The following STYK1 variants were observed in gnomAD, a reference collection of about 807,000 sequenced individuals.
STYK1 encodes STY kinase 1.
In STYK1, 46 loss-of-function variants were observed where a neutral mutation model predicts 48.1. That is an observed-to-expected ratio of 0.96 (90% CI 0.75 to 1.22). STYK1 has a LOEUF of 1.22. Among genes scored for constraint, STYK1 ranks in the 50% most tolerant of loss-of-function variants. STYK1 has a pLI of 0.00. For missense variants in STYK1, 527 were observed against 521.1 expected, an observed-to-expected ratio of 1.01 and a Z score of -0.11; for synonymous variants, 188 against 189.0, an observed-to-expected ratio of 0.99 and a Z score of 0.04.
chr12:10,631,301 G>A lies in STYK1; in HGVS notation c.195C>T (p.Ala65=). ...TTAGGTCCCTAGGTGGAGGAACAGG[G>A]GCAATGCCTAGAACAGAGAGATGAT... ...QQQRSGPQGI[A]PVPPPRDLSW... Residue 65 remains alanine, a synonymous_variant, in exon 5 of 11, where the codon GCC becomes GCT. Transcript: ENST00000075503. The A allele has an allele frequency of 1.2e-6, 2 of 1,614,070 alleles. No homozygotes were observed. Among genetic ancestry groups the A allele is most frequent in the South Asian group, 1.1e-5 (1 of 91,080 alleles).
At chr12:10,626,024 T>C (rs538799038) in intron 7 of STYK1, among the ~76,000 whole-genome samples, 4 of 152,050 alleles carry the variant, frequency 2.6e-5, no homozygotes, top group Non-Finnish European at 2.9e-5. Flanking sequence ...GATCTAGATA[T>C]TGAGGGCTGT....
intron 1 of STYK1, among the ~76,000 whole-genome samples, chr12:10,660,637 A>AGGGGAGG (rs1947766789): frequency 1.2e-4 from 4 of 32,448 alleles, no homozygotes; most frequent in South Asian, 1.6e-3. Context: ...TTTCTGATAA[A>AGGGGAGG]ACAGAATGTG....
rs531819965 is a variant in STYK1 at position 10,637,336 on chromosome 12, ATT to A, written c.-194-142_-194-141del. On this transcript the variant is annotated intron_variant, in intron 1 of 10. Transcript: ENST00000075503. ...ATGGAGTGTACCAGATGAGTCTAGG[ATT>A]TTTTTTTTTTTTTTTTTGAGACGGG... 5.3e-3 allele frequency: 696 copies of A among 130,576 alleles called. 2 individuals carry two copies. Among genetic ancestry groups the A allele is most frequent in the Non-Finnish European group, 7.6e-3 (466 of 60,932 alleles). 8.1% of individuals were successfully genotyped at this position (130,576 alleles called of 1,614,324 possible). A position where few individuals can be genotyped will look rare whatever the true frequency, so the allele number is the denominator to read the frequency against.
chr12:10,627,269 C>G (rs1283928978), intron 7 of STYK1, among the ~76,000 whole-genome samples: 1 of 152,272 alleles, frequency 6.6e-6, no homozygotes, highest in East Asian at 1.9e-4. Context: ...CATATCTTCT[C>G]CCTACTTGCT....
chr12:10,641,519 G>A (rs949191434), intron 1 of STYK1, among the ~76,000 whole-genome samples: 18 of 152,220 alleles, frequency 1.2e-4, no homozygotes, highest in African/African-American at 4.1e-4. Context: ...GAGGAGGACT[G>A]AAGGAAGACA....
At chr12:10,622,955 T>C (rs1591673224) in intron 8 of STYK1, among the ~76,000 whole-genome samples, 1 of 152,242 alleles carries the variant, frequency 6.6e-6, no homozygotes, top group East Asian at 1.9e-4. Context: ...TGTGTGTGCA[T>C]GTAACCACAC....
chr12:10,648,712 C>T (rs1178801711), intron 1 of STYK1, among the ~76,000 whole-genome samples: 1 of 151,914 alleles, frequency 6.6e-6, no homozygotes, highest in East Asian at 1.9e-4. Context: ...TCACTGCAGA[C>T]TTGATCTCCC....
Position 10,620,092 on chromosome 12 carries a change from A to C in STYK1, c.*52T>G. On this transcript the variant is annotated 3_prime_UTR_variant, in exon 11 of 11. Transcript: ENST00000075503. ...AAGACCATTCTCTGTTCTTAGAGGAATTGATTCCAAGAACATATACTCATG... is the reference window on the plus strand; with the variant it reads ...AAGACCATTCTCTGTTCTTAGAGGACTTGATTCCAAGAACATATACTCATG... 2 of 1,595,146 alleles carry C rather than the reference A, an allele frequency of 1.3e-6. No homozygotes were observed. Among genetic ancestry groups the C allele is most frequent in the Non-Finnish European group, 1.7e-6 (2 of 1,163,400 alleles).
chr12:10,642,983 A>G (rs1326623329), intron 1 of STYK1, among the ~76,000 whole-genome samples: 1 of 152,152 alleles, frequency 6.6e-6, no homozygotes, highest in Non-Finnish European at 1.5e-5. Context: ...ATTTCCACCC[A>G]GATCCTGAAC....
At chr12:10,649,981 G>GCA (rs1947643079) in intron 1 of STYK1, among the ~76,000 whole-genome samples, 2 of 151,880 alleles carry the variant, frequency 1.3e-5, no homozygotes, top group African/African-American at 4.8e-5. Flanking sequence ...AGGCGTGGTG[G>GCA]CGGGCCCCTG....
Position 10,634,052 on chromosome 12 carries a change from C to T in STYK1, c.125G>A (p.Gly42Glu). 2.5e-6 allele frequency: 4 copies of T among 1,614,014 alleles called. No homozygotes were observed. Among genetic ancestry groups the T allele is most frequent in the Non-Finnish European group, 3.4e-6 (4 of 1,180,010 alleles). The change falls in exon 4 of 11, where the codon GGG (glycine) becomes GAG (glutamate). Residue 42 changes from glycine to glutamate, a missense_variant. Gly to Glu is a moderately conservative substitution (Grantham distance 98, BLOSUM62 -2). Coordinates refer to ENST00000075503, the MANE Select transcript of STYK1 (RefSeq NM_018423.3). Reference protein sequence around the residue: ...LLVTIFLILLGVILWLFIREQ... With the variant: ...LLVTIFLILLEVILWLFIREQ... ...TCTGATAAAAAGCCACAGGATGACC[C>T]CAAGAAGGATGAGGAAGATAGTAAC...
At chr12:10,645,549 C>T (rs1340926301) in intron 1 of STYK1, among the ~76,000 whole-genome samples, 1 of 152,126 alleles carries the variant, frequency 6.6e-6, no homozygotes, top group Non-Finnish European at 1.5e-5. Context: ...CACCCACACA[C>T]ACTGAAAAAC....
At chr12:10,622,227 A>G (rs897879) in intron 9 of STYK1, among the ~76,000 whole-genome samples, 119,136 of 151,984 alleles carry the variant, frequency 0.78, 46,865 homozygotes, top group East Asian at 0.96. Context: ...AATAAGACAA[A>G]GTAAGACATA....
chr12:10,644,586 C>T (rs186582452), intron 1 of STYK1, among the ~76,000 whole-genome samples: 29 of 152,010 alleles, frequency 1.9e-4, no homozygotes, highest in Middle Eastern at 3.4e-3. Flanking sequence ...TAAATACATA[C>T]GAGAATATCA....
At position 10,627,680 on chromosome 12, in the gene STYK1, T is replaced by A. The variant is rs1947374548; in HGVS notation, c.678A>T (p.Lys226Asn). The A allele has an allele frequency of 1.9e-6, 3 of 1,613,728 alleles. No homozygotes were observed. In the South Asian group the frequency reaches 3.3e-5, roughly 18 times the overall value. ...CCTGCTTTCCGATGTGATATACTTG[T>A]TTTTCTGTGAGATCATAGAGAAGAC... ...MDGLLYDLTE[K>N]QVYHIGKQVL... The change falls in exon 7 of 11, where the codon AAA becomes AAT. Residue 226 changes from lysine (K) to asparagine (N), a missense_variant. Physicochemically the swap from Lys to Asn is moderately conservative, Grantham distance 94 (BLOSUM62 0). Transcript: ENST00000075503.
At chr12:10,670,690 T>C (rs894770073) in intron 1 of STYK1, among the ~76,000 whole-genome samples, 2 of 151,654 alleles carry the variant, frequency 1.3e-5, no homozygotes, top group African/African-American at 4.8e-5. Context: ...AGTTAATAAC[T>C]ATGTATTGTA....
At chr12:10,665,471 T>C (rs1280501771) in intron 1 of STYK1, among the ~76,000 whole-genome samples, 1 of 152,176 alleles carries the variant, frequency 6.6e-6, no homozygotes, top group East Asian at 1.9e-4. Context: ...CAGCTAAGCA[T>C]TGTGTGTTGA....
chr12:10,637,715 A>T (rs1270753899), intron 1 of STYK1, among the ~76,000 whole-genome samples: 1 of 152,180 alleles, frequency 6.6e-6, no homozygotes, highest in African/African-American at 2.4e-5. Flanking sequence ...AAACCTCACC[A>T]CACAGAGGCC....
chr12:10,630,081 GA>G (rs1947407751), intron 5 of STYK1, among the ~76,000 whole-genome samples: 1 of 106,744 alleles, frequency 9.4e-6, no homozygotes, highest in African/African-American at 3.4e-5. Context: ...GAGAGAGAGA[GA>G]GAGAGAGAGA....
Sources: gnomAD v4.1 joint callset for allele counts (sites outside exome capture counted in the v4.1 genomes callset) on GRCh38, gnomAD v4.1.1 for gene constraint, MANE v1.5 for transcripts, NCBI Gene and HGNC (gene_info 2026-07-23, HGNC 2026-07-21) for gene names.